SEMA3E: variants seen among roughly 807,000 people sequenced by gnomAD.
The protein encoded by SEMA3E is semaphorin-3E.
A neutral mutation model predicts 93.6 loss-of-function variants in SEMA3E; 49 were observed. That is an observed-to-expected ratio of 0.52 (90% CI 0.42 to 0.66). SEMA3E has a LOEUF of 0.66. Ranked by LOEUF, SEMA3E falls within the 30% of genes least tolerant of loss-of-function variation. The pLI is 0.00. For missense variants in SEMA3E, 906 were observed against 964.8 expected (o/e 0.94, Z 0.81); for synonymous variants, 363 against 330.7 (o/e 1.10, Z -1.06).
chr7:83,495,378 A>G (rs905716233), intron 1 of SEMA3E, among the ~76,000 whole-genome samples: 1 of 151,876 alleles, frequency 6.6e-6, no homozygotes. Context: ...TCTATTTCCA[A>G]TCTATTTTAT....
chr7:83,465,407 A>G (rs1036559591), intron 4 of SEMA3E, among the ~76,000 whole-genome samples: 1 of 152,038 alleles, frequency 6.6e-6, no homozygotes, highest in Non-Finnish European at 1.5e-5. Context: ...ATCTCCCTAT[A>G]TAGATAGTTA....
chr7:83,392,115 T>C (rs1162026164), intron 14 of SEMA3E, among the ~76,000 whole-genome samples: 3 of 152,170 alleles, frequency 2.0e-5, no homozygotes, highest in Non-Finnish European at 4.4e-5. Context: ...TACCTTTCAT[T>C]TGTGTTGAAT....
At chr7:83,558,660 T>G (rs992476501) in intron 1 of SEMA3E, among the ~76,000 whole-genome samples, 3 of 152,056 alleles carry the variant, frequency 2.0e-5, no homozygotes, top group African/African-American at 7.2e-5. Flanking sequence ...TTTTAGTATA[T>G]TTTAATAAAA....
chr7:83,648,527 G>A lies in SEMA3E; in HGVS notation c.16C>T (p.His6Tyr). MASAGHIITLLLWGYL... is the reference protein window; with the variant it reads MASAGYIITLLLWGYL... The stretch of plus-strand genomic sequence containing the variant: ...CCCCACAGGAGCAAGGTGATAATGT[G>A]CCCCGCGGATGCCATGCTGCCGTGT... Residue 6 changes from histidine (H) to tyrosine (Y), a missense_variant, in exon 1 of 17, where the codon CAC becomes TAC. Transcript: ENST00000643230. The A allele has an allele frequency of 6.2e-7, 1 of 1,613,302 alleles. No individual in the cohort carries two copies. The highest frequency in any genetic ancestry group is 8.5e-7 in the Non-Finnish European group (1 of 1,179,698).
chr7:83,508,774 TA>T (rs1189403097), intron 1 of SEMA3E, among the ~76,000 whole-genome samples: 1 of 152,140 alleles, frequency 6.6e-6, no homozygotes, highest in Non-Finnish European at 1.5e-5. Flanking sequence ...TCTTAGTAAA[TA>T]AAGATAAATT....
intron 1 of SEMA3E, among the ~76,000 whole-genome samples, chr7:83,642,251 AG>A (rs1294011144): frequency 6.6e-6 from 1 of 152,104 alleles, no homozygotes; most frequent in Non-Finnish European, 1.5e-5. Context: ...TTTTCATACC[AG>A]TTGTGGAGGT....
At chr7:83,399,525 T>C (rs1263755772) in intron 11 of SEMA3E, among the ~76,000 whole-genome samples, 1 of 152,180 alleles carries the variant, frequency 6.6e-6, no homozygotes, top group African/African-American at 2.4e-5. Flanking sequence ...TCACAAAATC[T>C]CCAGGACTCG....
chr7:83,420,858 A>AAACATAGCCTAGTG (rs1451192435), intron 4 of SEMA3E, among the ~76,000 whole-genome samples: 16 of 144,534 alleles, frequency 1.1e-4, no homozygotes, highest in South Asian at 2.3e-4. Context: ...AAGACCTCTA[A>AAACATAGCCTAGTG]CTATAAGAAT....
At chr7:83,503,177 G>T (rs779487058) in intron 1 of SEMA3E, among the ~76,000 whole-genome samples, 11 of 152,026 alleles carry the variant, frequency 7.2e-5, no homozygotes, top group Non-Finnish European at 1.5e-4. Context: ...ACAATTACAT[G>T]ATTACTGTGA....
At chr7:83,527,224 G>C (rs956912877) in intron 1 of SEMA3E, among the ~76,000 whole-genome samples, 2 of 152,094 alleles carry the variant, frequency 1.3e-5, no homozygotes, top group African/African-American at 4.8e-5. Context: ...CCTTCAGAGG[G>C]AACATGGTTC....
chr7:83,601,370 T>C (rs1769245928), intron 1 of SEMA3E, among the ~76,000 whole-genome samples: 1 of 151,898 alleles, frequency 6.6e-6, no homozygotes, highest in South Asian at 2.1e-4. Flanking sequence ...CAGACAAAAA[T>C]CTACATTTTA....
intron 4 of SEMA3E, among the ~76,000 whole-genome samples, chr7:83,456,885 A>G (rs1281072833): frequency 6.6e-6 from 1 of 152,106 alleles, no homozygotes; most frequent in Admixed American, 6.5e-5. Context: ...AAGTGCTGGG[A>G]TTACAGGCAA....
chr7:83,579,219 T>A (rs1456163540), intron 1 of SEMA3E, among the ~76,000 whole-genome samples: 1 of 152,150 alleles, frequency 6.6e-6, no homozygotes, highest in Non-Finnish European at 1.5e-5. Flanking sequence ...ATAAAAATGA[T>A]TGGTTATTTA....
intron 1 of SEMA3E, among the ~76,000 whole-genome samples, chr7:83,538,640 A>G (rs1177904968): frequency 6.6e-6 from 1 of 152,214 alleles, no homozygotes; most frequent in Admixed American, 6.5e-5. Flanking sequence ...AAATGTATCA[A>G]TAATTTTGAT....
At chr7:83,543,966 G>A (rs1401652220) in intron 1 of SEMA3E, among the ~76,000 whole-genome samples, 1 of 151,882 alleles carries the variant, frequency 6.6e-6, no homozygotes, top group Non-Finnish European at 1.5e-5. Flanking sequence ...TTATATTTTT[G>A]ATGTAACCTT....
intron 16 of SEMA3E, among the ~76,000 whole-genome samples, chr7:83,384,714 A>G (rs1278883274): frequency 6.6e-6 from 1 of 152,050 alleles, no homozygotes; most frequent in Non-Finnish European, 1.5e-5. Flanking sequence ...CATCTCTACA[A>G]GCATCCAAGT....
rs988726184 is a variant in SEMA3E at position 83,588,023 on chromosome 7, C to A, written c.115+60405G>T. ...AACTGACAATATTTATACTAATAATCTTTTACTTGATGATTTTTAAAGTTT... is the reference window on the plus strand; with the variant it reads ...AACTGACAATATTTATACTAATAATATTTTACTTGATGATTTTTAAAGTTT... On this transcript the variant is annotated intron_variant, in intron 1 of 16. Transcript: ENST00000643230. Among the ~76,000 whole-genome samples, 15 of 151,924 alleles carry A rather than the reference C, an allele frequency of 9.9e-5. No individual in the cohort carries two copies. The South Asian group carries it at 1.5e-3, about 15-fold the overall frequency.
chr7:83,414,937 A>G (rs1371533298), intron 5 of SEMA3E, among the ~76,000 whole-genome samples: 1 of 152,092 alleles, frequency 6.6e-6, no homozygotes, highest in East Asian at 1.9e-4. Context: ...AGGAGAAACT[A>G]TGGGGGACTG....
At chr7:83,464,452 T>C (rs1227325709) in intron 4 of SEMA3E, among the ~76,000 whole-genome samples, 1 of 107,232 alleles carries the variant, frequency 9.3e-6, no homozygotes, top group Non-Finnish European at 2.1e-5. Context: ...ATACATGCCC[T>C]GCTCTTGTTT....
Sources: allele counts gnomAD v4.1 joint callset (sites outside exome capture counted in the v4.1 genomes callset), GRCh38; gene constraint gnomAD v4.1.1; transcripts MANE v1.5; gene names NCBI Gene and HGNC (gene_info 2026-07-23, HGNC 2026-07-21).